The following FAM81B variants were observed in gnomAD, a reference collection of about 807,000 sequenced individuals.
The protein encoded by FAM81B is protein FAM81B.
FAM81B carries 60 observed loss-of-function variants against 58.7 expected under a neutral mutation model. The observed-to-expected ratio is 1.02, with a 90% CI of 0.83 to 1.27. FAM81B has a LOEUF of 1.27. FAM81B is among the 50% of genes most tolerant of loss of function. The pLI is 0.00. For synonymous variants in FAM81B, 189 were observed against 179.6 expected, an observed-to-expected ratio of 1.05 and a Z score of -0.42; for missense variants, 491 against 522.0, an observed-to-expected ratio of 0.94 and a Z score of 0.58.
Position 95,391,501 on chromosome 5 carries a change from A to T in FAM81B, c.112A>T (p.Ile38Phe), listed in dbSNP as rs928583844. 2 of 1,613,540 alleles carry T rather than the reference A, an allele frequency of 1.2e-6. No homozygotes were observed. Among genetic ancestry groups the T allele is most frequent in the Non-Finnish European group, 1.7e-6 (2 of 1,179,678 alleles). The stretch of plus-strand genomic sequence containing the variant: ...AAAAAATAAAGCTGGAAAAGCAAGC[A>T]TCATGAGTTCAGGTACTTATGGACT... ...STKNKAGKAS[I>F]MSSDTNVNKS... Residue 38 changes from isoleucine to phenylalanine, a missense_variant, in exon 1 of 10, where the codon ATC (isoleucine) becomes TTC (phenylalanine). Coordinates refer to ENST00000283357, the MANE Select transcript of FAM81B (RefSeq NM_152548.3).
At chr5:95,412,213 G>A (rs1391344184) in intron 3 of FAM81B, among the ~76,000 whole-genome samples, 1 of 151,956 alleles carries the variant, frequency 6.6e-6, no homozygotes, top group East Asian at 1.9e-4. Context: ...ACATAGCACT[G>A]CTCTTTTTGA....
intron 4 of FAM81B, 63 bp downstream of exon 4, chr5:95,414,253 A>T: frequency 6.6e-7 from 1 of 1,504,362 alleles, no homozygotes; most frequent in Non-Finnish European, 9.0e-7. Flanking sequence ...CTTGATAAAG[A>T]TTATCAACCA....
intron 4 of FAM81B, 131 bp downstream of exon 4, chr5:95,414,321 C>T (rs1762482960): frequency 1.9e-6 from 2 of 1,052,038 alleles, no homozygotes; most frequent in Non-Finnish European, 2.7e-6. Flanking sequence ...TAGATGATTA[C>T]ATTTTAGTGG....
Position 95,436,892 on chromosome 5 carries a change from C to CA in FAM81B, c.879_880insA (p.Leu294ThrfsTer12), listed in dbSNP as rs761670649. ...AGGGGGATTATCGCCACGAAATGAACCTTTTGGAATTCAAGTAAGTGAATA... is the reference window on the plus strand; with the variant it reads ...AGGGGGATTATCGCCACGAAATGAACACTTTTGGAATTCAAGTAAGTGAATA... On this transcript the variant is annotated frameshift_variant, in exon 7 of 10. Coordinates refer to ENST00000283357, the MANE Select transcript of FAM81B (RefSeq NM_152548.3). LOFTEE classifies it high-confidence loss of function. 1 of 1,613,260 alleles carries CA rather than the reference C, an allele frequency of 6.2e-7. No individual in the cohort carries two copies. Among genetic ancestry groups the CA allele is most frequent in the Admixed American group, 1.7e-5 (1 of 60,012 alleles).
chr5:95,401,380 A>C (rs980883565), intron 3 of FAM81B, among the ~76,000 whole-genome samples: 2 of 152,106 alleles, frequency 1.3e-5, no homozygotes, highest in Non-Finnish European at 2.9e-5. Flanking sequence ...CAGAACTCAA[A>C]TTGCCTGCCT....
chr5:95,426,329 T>G (rs1050122713), intron 5 of FAM81B, among the ~76,000 whole-genome samples: 1 of 152,088 alleles, frequency 6.6e-6, no homozygotes, highest in Non-Finnish European at 1.5e-5. Flanking sequence ...GCAGAGGAAC[T>G]CCTTTTGGAA....
intron 5 of FAM81B, 90 bp downstream of exon 5, chr5:95,420,492 G>C: frequency 6.4e-7 from 1 of 1,554,776 alleles, no homozygotes; most frequent in South Asian, 1.2e-5. Context: ...GTGGAAAAAA[G>C]ATATTGTCTA....
chr5:95,423,940 T>G (rs980421205), intron 5 of FAM81B: 5 of 1,150,124 alleles, frequency 4.3e-6, no homozygotes, highest in South Asian at 2.6e-5. Context: ...CTCGGGTGGG[T>G]CATCGGAGAA....
chr5:95,448,660 C>T (rs1335186942), intron 9 of FAM81B, 196 bp downstream of exon 9: 1 of 616,030 alleles, frequency 1.6e-6, no homozygotes, highest in Non-Finnish European at 2.8e-6. Flanking sequence ...ACTTTCTTCA[C>T]TTGGCAATGT....
intron 6 of FAM81B, among the ~76,000 whole-genome samples, chr5:95,435,820 T>G (rs975828689): frequency 6.6e-6 from 1 of 152,230 alleles, no homozygotes; most frequent in African/African-American, 2.4e-5. Context: ...TAATTGCCTA[T>G]TATTATAATA....
intron 3 of FAM81B, among the ~76,000 whole-genome samples, chr5:95,397,705 A>G (rs143963533): frequency 3.9e-4 from 59 of 152,368 alleles, no homozygotes; most frequent in African/African-American, 1.3e-3. Context: ...CATGATAAAG[A>G]TTACTTCACT....
chr5:95,410,541 C>T (rs1762379379), intron 3 of FAM81B, among the ~76,000 whole-genome samples: 1 of 152,132 alleles, frequency 6.6e-6, no homozygotes, highest in African/African-American at 2.4e-5. Flanking sequence ...TATTTTGGCT[C>T]ATGCAATGGG....
intron 6 of FAM81B, among the ~76,000 whole-genome samples, chr5:95,435,017 G>C (rs1324768125): frequency 2.6e-5 from 4 of 152,228 alleles, no homozygotes; most frequent in Non-Finnish European, 5.9e-5. Flanking sequence ...GAAAAAGATG[G>C]AGAAAGAAGG....
chr5:95,436,880 C>A lies in FAM81B; in HGVS notation c.867C>A (p.Arg289=), dbSNP rs770319153. 9 of 1,613,702 alleles carry A rather than the reference C, an allele frequency of 5.6e-6. No homozygotes were observed. Among genetic ancestry groups the A allele is most frequent in the Non-Finnish European group, 7.6e-6 (9 of 1,179,678 alleles). Residue 289 remains arginine, a synonymous_variant, in exon 7 of 10, where the codon CGC becomes CGA. Transcript: ENST00000283357. ...SNLKMVQGDY[R]HEMNLLEFKF... Reference sequence around the variant, plus strand: ...TAAAGATGGTCCAGGGGGATTATCGCCACGAAATGAACCTTTTGGAATTCA... The same window carrying A: ...TAAAGATGGTCCAGGGGGATTATCGACACGAAATGAACCTTTTGGAATTCA...
intron 7 of FAM81B, among the ~76,000 whole-genome samples, chr5:95,439,700 A>G (rs1334221948): frequency 6.6e-6 from 1 of 152,134 alleles, no homozygotes; most frequent in Non-Finnish European, 1.5e-5. Flanking sequence ...AAGTAGTTCC[A>G]CTACTTTAAA....
At chr5:95,443,511 G>T (rs746605586) in intron 7 of FAM81B, among the ~76,000 whole-genome samples, 35 of 152,104 alleles carry the variant, frequency 2.3e-4, no homozygotes, top group Non-Finnish European at 4.1e-4. Flanking sequence ...TGAAATAGAA[G>T]ATTTGGGATC....
rs1033124496 is a variant in FAM81B at position 95,440,450 on chromosome 5, C to G, written c.893+3544C>G. The G allele has an allele frequency of 6.5e-5, 42 of 641,876 alleles. No homozygotes were observed. The Admixed American group carries it at 7.8e-4, about 12-fold the overall frequency. The allele number at this position is 641,876 out of a possible 1,614,324, so 39.8% of individuals were successfully genotyped here. A position where few individuals can be genotyped will look rare whatever the true frequency, so the allele number is the denominator to read the frequency against. The stretch of plus-strand genomic sequence containing the variant: ...CAATTCGAATTTTGGTTCAGGAGCA[C>G]CTGACAGGATGCAGTTGCTAAGGCA... On this transcript the variant is annotated intron_variant, in intron 7 of 9. Coordinates refer to ENST00000283357, the MANE Select transcript of FAM81B (RefSeq NM_152548.3).
intron 3 of FAM81B, among the ~76,000 whole-genome samples, chr5:95,404,502 GAA>G (rs955759543): frequency 7.4e-6 from 1 of 135,842 alleles, no homozygotes; most frequent in Admixed American, 7.4e-5. Flanking sequence ...TATTCAATTT[GAA>G]AAAAAAAAAA....
chr5:95,394,427 A>G (rs1330337565), intron 2 of FAM81B, among the ~76,000 whole-genome samples: 1 of 152,186 alleles, frequency 6.6e-6, no homozygotes, highest in Admixed American at 6.5e-5. Flanking sequence ...TGCCAAAAAT[A>G]GATCCCCACA....
Sources: gnomAD v4.1 joint callset for allele counts (sites outside exome capture counted in the v4.1 genomes callset) on GRCh38, gnomAD v4.1.1 for gene constraint, MANE v1.5 for transcripts, NCBI Gene and HGNC (gene_info 2026-07-23, HGNC 2026-07-21) for gene names.